CNTNAP2: variants seen among roughly 807,000 people sequenced by gnomAD.
CNTNAP2 encodes contactin associated protein 2.
A neutral mutation model predicts 155.2 loss-of-function variants in CNTNAP2; 98 were observed. The observed-to-expected ratio is 0.63, with a 90% CI of 0.54 to 0.75. The LOEUF (loss-of-function observed/expected upper bound fraction) is 0.75. CNTNAP2 is among the 30% of genes least tolerant of loss of function. CNTNAP2 has a pLI of 0.00. For synonymous variants in CNTNAP2, 651 were observed against 631.2 expected (o/e 1.03, Z -0.47); for missense variants, 1,727 against 1,688.1 (o/e 1.02, Z -0.40).
chr7:147,992,700 C>G (rs962186475), intron 15 of CNTNAP2, among the ~76,000 whole-genome samples: 7 of 152,216 alleles, frequency 4.6e-5, no homozygotes, highest in Admixed American at 3.3e-4. Context: ...ATCTCTCACA[C>G]TGTCTAAGGG....
chr7:147,427,046 C>A (rs1455528157), intron 10 of CNTNAP2, among the ~76,000 whole-genome samples: 1 of 152,052 alleles, frequency 6.6e-6, no homozygotes, highest in Non-Finnish European at 1.5e-5. Context: ...AAAATCGAGG[C>A]ACCAGCAGGA....
chr7:147,652,414 C>G (rs1584880534), intron 13 of CNTNAP2, among the ~76,000 whole-genome samples: 1 of 152,178 alleles, frequency 6.6e-6, no homozygotes, highest in East Asian at 1.9e-4. Flanking sequence ...ATCTAGATAA[C>G]TAATGCTTAA....
chr7:147,593,203 C>A (rs1281712560), intron 12 of CNTNAP2, among the ~76,000 whole-genome samples: 1 of 143,796 alleles, frequency 7.0e-6, no homozygotes, highest in Admixed American at 7.0e-5. Context: ...TTTCTTAAGA[C>A]CTTCCCTTAT....
intron 11 of CNTNAP2, among the ~76,000 whole-genome samples, chr7:147,543,250 C>T (rs1283605030): frequency 7.9e-5 from 12 of 152,234 alleles, no homozygotes; most frequent in Admixed American, 7.9e-4. Context: ...AGGAACTTAT[C>T]CTTAAGGCAC....
At chr7:147,623,972 G>A (rs6971257) in intron 12 of CNTNAP2, among the ~76,000 whole-genome samples, 1,840 of 152,042 alleles carry the variant, frequency 0.012, 43 homozygotes, top group African/African-American at 0.042. Flanking sequence ...CAGCTACAGC[G>A]AATTCATTTT....
intron 21 of CNTNAP2, among the ~76,000 whole-genome samples, chr7:148,273,593 A>C (rs1000983240): frequency 6.6e-6 from 1 of 152,270 alleles, no homozygotes; most frequent in Non-Finnish European, 1.5e-5. Context: ...TGAAATAAAA[A>C]GACGGTAGCT....
intron 9 of CNTNAP2, among the ~76,000 whole-genome samples, chr7:147,335,183 A>G (rs906676432): frequency 1.3e-5 from 2 of 152,306 alleles, no homozygotes; most frequent in African/African-American, 2.4e-5. Flanking sequence ...CTCTTGTTCT[A>G]TGGTAGGATA....
intron 8 of CNTNAP2, among the ~76,000 whole-genome samples, chr7:147,252,725 T>C (rs1804227012): frequency 6.6e-6 from 1 of 152,128 alleles, no homozygotes. Flanking sequence ...TGATTTATTC[T>C]GTCACATATC....
intron 14 of CNTNAP2, among the ~76,000 whole-genome samples, chr7:147,945,657 T>C (rs1800807140): frequency 6.7e-6 from 1 of 149,688 alleles, no homozygotes; most frequent in African/African-American, 2.4e-5. Flanking sequence ...AGGCATAGTC[T>C]GTTATCAGGA....
At chr7:147,763,518 G>T (rs1164774914) in intron 13 of CNTNAP2, among the ~76,000 whole-genome samples, 3 of 151,740 alleles carry the variant, frequency 2.0e-5, no homozygotes, top group Non-Finnish European at 4.4e-5. Context: ...GCAGCTAAAA[G>T]AAGACTAAAG....
At chr7:147,123,033 A>G (rs999897049) in intron 6 of CNTNAP2, 5 of 152,164 alleles carry the variant, frequency 3.3e-5, no homozygotes, top group African/African-American at 1.2e-4. Flanking sequence ...TAAAAAATTT[A>G]GAGTAGAATA....
intron 1 of CNTNAP2, among the ~76,000 whole-genome samples, chr7:146,302,450 A>G (rs776140301): frequency 2.6e-5 from 4 of 152,176 alleles, no homozygotes; most frequent in Non-Finnish European, 5.9e-5. Context: ...CAGCTGACAC[A>G]TATAGTATCT....
intron 11 of CNTNAP2, among the ~76,000 whole-genome samples, chr7:147,513,061 T>C (rs1799049858): frequency 6.6e-6 from 1 of 152,198 alleles, no homozygotes; most frequent in South Asian, 2.1e-4. Context: ...TTAACAGTGA[T>C]ATTTTCCAAG....
intron 1 of CNTNAP2, among the ~76,000 whole-genome samples, chr7:146,181,935 T>G (rs1454739276): frequency 6.6e-6 from 1 of 152,152 alleles, no homozygotes; most frequent in Non-Finnish European, 1.5e-5. Flanking sequence ...TATGTTGATG[T>G]GCAGGCTCAT....
At chr7:147,882,247 G>A (rs377075528) in intron 13 of CNTNAP2, among the ~76,000 whole-genome samples, 22 of 152,278 alleles carry the variant, frequency 1.4e-4, no homozygotes, top group African/African-American at 5.3e-4. Context: ...GGAAGAAATG[G>A]AACGTTATGA....
At chr7:147,225,846 AGAAG>A (rs1376402822) in intron 8 of CNTNAP2, among the ~76,000 whole-genome samples, 3 of 96,476 alleles carry the variant, frequency 3.1e-5, no homozygotes, top group Non-Finnish European at 4.5e-5. Flanking sequence ...AAGGAGGGAA[AGAAG>A]GAAGGAGGGA....
chr7:146,208,577 T>A (rs1203080953), intron 1 of CNTNAP2: 1 of 152,066 alleles, frequency 6.6e-6, no homozygotes, highest in African/African-American at 2.4e-5. Flanking sequence ...TGGTTGCCCT[T>A]TTTCACTTTC....
chr7:148,058,129 C>G (rs1021796147), intron 15 of CNTNAP2, among the ~76,000 whole-genome samples: 1 of 151,990 alleles, frequency 6.6e-6, no homozygotes, highest in African/African-American at 2.4e-5. Flanking sequence ...AATATATACC[C>G]TCTAGAGTGT....
At chr7:147,145,264 C>T (rs1801678970) in intron 8 of CNTNAP2, among the ~76,000 whole-genome samples, 1 of 152,090 alleles carries the variant, frequency 6.6e-6, no homozygotes, top group Non-Finnish European at 1.5e-5. Flanking sequence ...ATCGGTGGTT[C>T]TCAGCTAGGA....
Sources: allele counts gnomAD v4.1 joint callset (sites outside exome capture counted in the v4.1 genomes callset), GRCh38; gene constraint gnomAD v4.1.1; transcripts MANE v1.5; gene names NCBI Gene and HGNC (gene_info 2026-07-23, HGNC 2026-07-21).